The following FAM171A1 variants were observed in gnomAD, a reference collection of about 807,000 sequenced individuals.
FAM171A1 encodes the protein protein FAM171A1.
A neutral mutation model predicts 74.9 loss-of-function variants in FAM171A1; 23 were observed. The ratio of observed to expected loss-of-function variants is 0.31; its 90% CI spans 0.22 to 0.44. The LOEUF (loss-of-function observed/expected upper bound fraction) is 0.44. Among genes scored for constraint, FAM171A1 ranks in the 20% least tolerant of loss-of-function variants. FAM171A1 has a pLI of 1.00. For synonymous variants in FAM171A1, 527 were observed against 505.7 expected (o/e 1.04, Z -0.57); for missense variants, 1,162 against 1,159.2 (o/e 1.00, Z -0.03).
intron 2 of FAM171A1, 136 bp downstream of exon 2, chr10:15,283,742 G>A (rs1418081196): frequency 2.6e-6 from 2 of 776,878 alleles, no homozygotes; most frequent in East Asian, 2.7e-5. Flanking sequence ...ACACTATGAT[G>A]CCTGGCTAAT....
intron 1 of FAM171A1, among the ~76,000 whole-genome samples, chr10:15,329,736 T>G (rs950001342): frequency 1.6e-4 from 25 of 151,690 alleles, no homozygotes; most frequent in Admixed American, 1.1e-3. Flanking sequence ...CTACGGGAAG[T>G]CATTTTCAGA....
intron 1 of FAM171A1, among the ~76,000 whole-genome samples, chr10:15,328,507 T>C (rs559027646): frequency 6.6e-6 from 1 of 152,312 alleles, no homozygotes; most frequent in East Asian, 1.9e-4. Flanking sequence ...AGTTTAACCC[T>C]GGATACAGAG....
chr10:15,249,443 T>A (rs1834480609), intron 4 of FAM171A1, among the ~76,000 whole-genome samples: 1 of 152,184 alleles, frequency 6.6e-6, no homozygotes, highest in South Asian at 2.1e-4. Flanking sequence ...TCAAAAACGA[T>A]CTCAAAAGAG....
chr10:15,297,189 G>C (rs1835172262), intron 1 of FAM171A1, among the ~76,000 whole-genome samples: 1 of 151,878 alleles, frequency 6.6e-6, no homozygotes, highest in South Asian at 2.1e-4. Context: ...CTCCCAAGTA[G>C]CTGGGATTAC....
chr10:15,302,327 T>A (rs1039641859), intron 1 of FAM171A1, among the ~76,000 whole-genome samples: 1 of 151,952 alleles, frequency 6.6e-6, no homozygotes, highest in African/African-American at 2.4e-5. Flanking sequence ...TAGCTGGGTG[T>A]GGTGGCAGGC....
chr10:15,240,650 C>T, intron 5 of FAM171A1: 1 of 928,532 alleles, frequency 1.1e-6, no homozygotes. Flanking sequence ...ATCTCTAGTT[C>T]TCTCTCCTAA....
chr10:15,324,097 CA>C (rs1359165060), intron 1 of FAM171A1, among the ~76,000 whole-genome samples: 1 of 152,146 alleles, frequency 6.6e-6, no homozygotes, highest in African/African-American at 2.4e-5. Flanking sequence ...TGGCTCTTAG[CA>C]AGATAAATCT....
intron 3 of FAM171A1, among the ~76,000 whole-genome samples, chr10:15,262,601 C>A (rs527673786): frequency 6.0e-4 from 91 of 152,230 alleles, no homozygotes; most frequent in African/African-American, 2.1e-3. Flanking sequence ...TGTGAGGCAG[C>A]ACAAAAGGGA....
chr10:15,332,599 G>C (rs988064873), intron 1 of FAM171A1, among the ~76,000 whole-genome samples: 1 of 152,140 alleles, frequency 6.6e-6, no homozygotes, highest in African/African-American at 2.4e-5. Context: ...GATAGAGTTT[G>C]CCAACCTGTA....
chr10:15,313,651 C>G (rs1165378383), intron 1 of FAM171A1, among the ~76,000 whole-genome samples: 1 of 152,170 alleles, frequency 6.6e-6, no homozygotes, highest in African/African-American at 2.4e-5. Flanking sequence ...ATTTCCAAGT[C>G]TTTCATAAGA....
intron 1 of FAM171A1, among the ~76,000 whole-genome samples, chr10:15,359,830 C>T (rs978971718): frequency 2.6e-5 from 4 of 152,126 alleles, no homozygotes; most frequent in Admixed American, 6.5e-5. Context: ...GGTGGCCTCA[C>T]GGAGGTCAGA....
At chr10:15,253,918 C>T (rs1241720569) in intron 4 of FAM171A1, among the ~76,000 whole-genome samples, 1 of 152,134 alleles carries the variant, frequency 6.6e-6, no homozygotes, top group Non-Finnish European at 1.5e-5. Flanking sequence ...GGAAGGTACC[C>T]GTCTTGGGTC....
intron 1 of FAM171A1, among the ~76,000 whole-genome samples, chr10:15,365,242 A>T (rs1836044893): frequency 6.6e-6 from 1 of 152,198 alleles, no homozygotes; most frequent in African/African-American, 2.4e-5. Flanking sequence ...ACGTAAGCAG[A>T]CACTTAGATT....
At chr10:15,254,284 G>A (rs995322486) in intron 4 of FAM171A1, among the ~76,000 whole-genome samples, 8 of 152,258 alleles carry the variant, frequency 5.3e-5, no homozygotes, top group Admixed American at 2.6e-4. Context: ...CAGCATAGGT[G>A]GGTGGGGTGG....
chr10:15,311,730 C>T (rs945478647), intron 1 of FAM171A1, among the ~76,000 whole-genome samples: 1 of 152,114 alleles, frequency 6.6e-6, no homozygotes, highest in Non-Finnish European at 1.5e-5. Flanking sequence ...GGCGGCATCA[C>T]GTTTTCCCCC....
intron 1 of FAM171A1, among the ~76,000 whole-genome samples, chr10:15,350,090 A>C (rs2131878755): frequency 6.6e-6 from 1 of 152,218 alleles, no homozygotes. Context: ...ACACCCCTAC[A>C]CGTGATGCCC....
At chr10:15,321,894 C>T (rs756882763) in intron 1 of FAM171A1, among the ~76,000 whole-genome samples, 1 of 152,192 alleles carries the variant, frequency 6.6e-6, no homozygotes, top group Non-Finnish European at 1.5e-5. Context: ...ACACACACAG[C>T]ACTGGTTTTT....
At chr10:15,255,131 T>C (rs1043740916) in intron 3 of FAM171A1, among the ~76,000 whole-genome samples, 1 of 152,228 alleles carries the variant, frequency 6.6e-6, no homozygotes, top group Non-Finnish European at 1.5e-5. Flanking sequence ...AAAAAGCTTT[T>C]TCCAAGTTCC....
At chr10:15,233,403 T>C (rs1409690113) in intron 5 of FAM171A1, among the ~76,000 whole-genome samples, 2 of 152,176 alleles carry the variant, frequency 1.3e-5, no homozygotes, top group African/African-American at 4.8e-5. Context: ...AACTGCATAC[T>C]GGAAATGGCT....
Sources: gnomAD v4.1 joint callset for allele counts (sites outside exome capture counted in the v4.1 genomes callset) on GRCh38, gnomAD v4.1.1 for gene constraint, MANE v1.5 for transcripts, NCBI Gene and HGNC (gene_info 2026-07-23, HGNC 2026-07-21) for gene names.